The following CAMKMT variants were observed in gnomAD, a reference collection of about 807,000 sequenced individuals.
CAMKMT encodes CaM KMT.
In CAMKMT, 53 loss-of-function variants were observed where a neutral mutation model predicts 48.0. The observed-to-expected ratio is 1.10, with a 90% CI of 0.89 to 1.39. The LOEUF is 1.39. CAMKMT is among the 40% of genes most tolerant of loss of function. The pLI, the probability that CAMKMT is intolerant of heterozygous loss-of-function variation, is 0.00. For missense variants in CAMKMT, 428 were observed against 402.7 expected, an observed-to-expected ratio of 1.06 and a Z score of -0.54; for synonymous variants, 165 against 152.3, an observed-to-expected ratio of 1.08 and a Z score of -0.61.
chr2:44,556,954 G>A (rs1383021279), intron 3 of CAMKMT, among the ~76,000 whole-genome samples: 1 of 152,050 alleles, frequency 6.6e-6, no homozygotes, highest in East Asian at 1.9e-4. Flanking sequence ...GATGATGTAA[G>A]TTTATTTCAG....
Position 44,638,905 on chromosome 2 carries a change from T to C in CAMKMT, c.377-65378T>C, listed in dbSNP as rs539081620. ...GGCAGAGGGGCAGAACCGACACTTT[T>C]GTAGCCACTGGCAAGACTAAGCCTT... On this transcript the variant is annotated intron_variant, in intron 3 of 10. Transcript: ENST00000378494. Among the ~76,000 whole-genome samples, 167 of 152,334 alleles carry C rather than the reference T, an allele frequency of 1.1e-3. 1 individual carries two copies. Among genetic ancestry groups the C allele is most frequent in the African/African-American group, 3.9e-3 (163 of 41,588 alleles).
intron 2 of CAMKMT, among the ~76,000 whole-genome samples, chr2:44,381,670 G>A (rs1329486287): frequency 6.6e-6 from 1 of 152,158 alleles, no homozygotes; most frequent in Admixed American, 6.5e-5. Context: ...ACTTAATGAT[G>A]TGGGAAACTG....
intron 3 of CAMKMT, chr2:44,631,606 T>C (rs77070006): frequency 3.9e-6 from 2 of 508,900 alleles, no homozygotes; most frequent in East Asian, 6.7e-5. Flanking sequence ...CAGCTGTGTA[T>C]GCATTTCTTG....
At chr2:44,579,058 G>A (rs1167511182) in intron 3 of CAMKMT, among the ~76,000 whole-genome samples, 1 of 152,348 alleles carries the variant, frequency 6.6e-6, no homozygotes, top group Admixed American at 6.5e-5. Flanking sequence ...TGAAGTGACA[G>A]TGGGTAATAG....
intron 3 of CAMKMT, among the ~76,000 whole-genome samples, chr2:44,634,888 T>A (rs1673035676): frequency 6.6e-6 from 1 of 151,592 alleles, no homozygotes; most frequent in South Asian, 2.1e-4. Context: ...TAAAGCTAGT[T>A]TCATTAATTA....
intron 3 of CAMKMT, among the ~76,000 whole-genome samples, chr2:44,684,193 C>G (rs1676202214): frequency 6.6e-6 from 1 of 152,192 alleles, no homozygotes; most frequent in East Asian, 1.9e-4. Context: ...AGAAGTCCAG[C>G]ATGAGTTCAT....
chr2:44,444,473 A>T (rs1666861163), intron 3 of CAMKMT, among the ~76,000 whole-genome samples: 1 of 152,218 alleles, frequency 6.6e-6, no homozygotes, highest in Non-Finnish European at 1.5e-5. Context: ...TGGTTAGGTT[A>T]GGGGCAAGAA....
chr2:44,418,628 G>A (rs2104503071), intron 3 of CAMKMT, among the ~76,000 whole-genome samples: 1 of 152,222 alleles, frequency 6.6e-6, no homozygotes, highest in South Asian at 2.1e-4. Context: ...GCACTACATT[G>A]TCATGATTAT....
rs1022754578 is a variant in CAMKMT, at chr2:44,489,734, C to A, written c.376+99429C>A. On this transcript the variant is annotated intron_variant, in intron 3 of 10. Coordinates refer to ENST00000378494, the MANE Select transcript of CAMKMT (RefSeq NM_024766.5). The stretch of plus-strand genomic sequence containing the variant: ...AACAGAATGGAAAAAATAATGGTAA[C>A]ATATTAGAAAAATTGGATTATTGTA... Among the ~76,000 whole-genome samples the A allele has an allele frequency of 4.6e-5, 7 of 151,966 alleles. No homozygotes were observed. In the South Asian group the frequency reaches 1.0e-3, roughly 23 times the overall value.
intron 3 of CAMKMT, among the ~76,000 whole-genome samples, chr2:44,551,300 G>A (rs1242656336): frequency 6.6e-6 from 1 of 152,082 alleles, no homozygotes; most frequent in East Asian, 1.9e-4. Flanking sequence ...CCAGAAACCT[G>A]AGCATGAAGA....
At chr2:44,524,243 T>C (rs1671284110) in intron 3 of CAMKMT, among the ~76,000 whole-genome samples, 1 of 152,002 alleles carries the variant, frequency 6.6e-6, no homozygotes, top group Admixed American at 6.6e-5. Context: ...AATTGGGGGC[T>C]CATGTTTTAA....
chr2:44,569,283 G>A (rs1668781087), intron 3 of CAMKMT, among the ~76,000 whole-genome samples: 1 of 152,056 alleles, frequency 6.6e-6, no homozygotes, highest in Non-Finnish European at 1.5e-5. Context: ...TGCTTACATG[G>A]TAAAGGTCTA....
chr2:44,623,534 T>C (rs2103941740), intron 3 of CAMKMT, among the ~76,000 whole-genome samples: 1 of 152,326 alleles, frequency 6.6e-6, no homozygotes, highest in East Asian at 1.9e-4. Flanking sequence ...AGTTTCATTC[T>C]TCAGCATATG....
At chr2:44,402,917 C>A (rs1297682465) in intron 3 of CAMKMT, among the ~76,000 whole-genome samples, 2 of 141,078 alleles carry the variant, frequency 1.4e-5, no homozygotes, top group African/African-American at 5.1e-5. Flanking sequence ...GAAGATATTA[C>A]TGAAAGTTTT....
chr2:44,630,945 C>G (rs1297357411), intron 3 of CAMKMT, among the ~76,000 whole-genome samples: 1 of 151,836 alleles, frequency 6.6e-6, no homozygotes, highest in Non-Finnish European at 1.5e-5. Context: ...GACACATGCA[C>G]ACGTATGTTT....
intron 3 of CAMKMT, among the ~76,000 whole-genome samples, chr2:44,663,932 G>A (rs537413108): frequency 6.6e-6 from 1 of 152,164 alleles, no homozygotes; most frequent in Non-Finnish European, 1.5e-5. Context: ...TAAGTGAGAT[G>A]GTAATAAGTC....
chr2:44,363,685 C>CTTCTTTTTTTTTTTTT (rs1678259603), intron 1 of CAMKMT, among the ~76,000 whole-genome samples: 1 of 147,344 alleles, frequency 6.8e-6, no homozygotes, highest in Non-Finnish European at 1.5e-5. Context: ...CGGCAACCCC[C>CTTCTTTTTTTTTTTTT]TTCTTTTTTT....
At chr2:44,478,934 C>G (rs373834167) in intron 3 of CAMKMT, among the ~76,000 whole-genome samples, 7 of 152,138 alleles carry the variant, frequency 4.6e-5, no homozygotes, top group African/African-American at 1.7e-4. Context: ...CTCCTGACCT[C>G]GTGATCCGCC....
chr2:44,750,001 G>A (rs1680087354), intron 8 of CAMKMT, among the ~76,000 whole-genome samples: 1 of 152,214 alleles, frequency 6.6e-6, no homozygotes, highest in Non-Finnish European at 1.5e-5. Flanking sequence ...AGGTTGCTGA[G>A]TGTTCTAGCT....
Sources: allele counts gnomAD v4.1 joint callset (sites outside exome capture counted in the v4.1 genomes callset), GRCh38; gene constraint gnomAD v4.1.1; transcripts MANE v1.5; gene names NCBI Gene and HGNC (gene_info 2026-07-23, HGNC 2026-07-21).